The following NRDC variants were observed in gnomAD, a reference collection of about 807,000 sequenced individuals.
NRDC encodes nardilysin.
Under a neutral mutation model 147.1 loss-of-function variants are expected in NRDC, and 54 were observed. The observed-to-expected ratio is 0.37, with a 90% CI of 0.29 to 0.46. The LOEUF (loss-of-function observed/expected upper bound fraction) is 0.46. Ranked by LOEUF, NRDC falls within the 20% of genes least tolerant of loss-of-function variation. The pLI is 1.00. For missense variants in NRDC, 1,082 were observed against 1,370.6 expected (o/e 0.79, Z 3.33); for synonymous variants, 440 against 482.1 (o/e 0.91, Z 1.14).
At chr1:51,870,399 T>C (rs561272440) in intron 1 of NRDC, among the ~76,000 whole-genome samples, 1 of 152,356 alleles carries the variant, frequency 6.6e-6, no homozygotes, top group South Asian at 2.1e-4. Flanking sequence ...GCTTTATTCT[T>C]AAAATACTGC....
chr1:51,791,627 C>T lies in NRDC; in HGVS notation c.2911G>A (p.Gly971Arg), dbSNP rs1678660473. The change falls in exon 27 of 31, where the codon GGG becomes AGG. Residue 971 changes from glycine (G) to arginine (R), a missense_variant. Around this residue, in one of 3 missense-constraint regions of NRDC, gnomAD observed 635 missense variants for 923.8 expected, o/e 0.69. Transcript: ENST00000352171. ...HVYPTCRNTS[G>R]ILGFSVTVGT... ...ACAGTGACAGAAAATCCTAGAATCC[C>T]GGATGTGTTCCTACAGGTAGGGTAG... 7 of 1,613,764 alleles carry T rather than the reference C, an allele frequency of 4.3e-6. No individual in the cohort carries two copies. Among genetic ancestry groups the T allele is most frequent in the South Asian group, 1.1e-5 (1 of 91,078 alleles).
chr1:51,857,300 T>G (rs556430044), intron 1 of NRDC, among the ~76,000 whole-genome samples: 1 of 152,336 alleles, frequency 6.6e-6, no homozygotes, highest in Admixed American at 6.5e-5. Context: ...CTGTAACAAA[T>G]CTGGCTGTTT....
At position 51,809,397 on chromosome 1, in the gene NRDC, A is replaced by C; in HGVS notation, c.1908T>G (p.Ile636Met). Residue 636 changes from isoleucine (I) to methionine (M), a missense_variant, in exon 17 of 31, where the codon ATT becomes ATG. Physicochemically the swap from Ile to Met is conservative, Grantham distance 10. Around this residue, in one of 3 missense-constraint regions of NRDC, gnomAD observed 635 missense variants for 923.8 expected, o/e 0.69. Transcript: ENST00000352171. ...WFGTQYSIED[I>M]ENSWAELWNS... Reference sequence around the variant, plus strand: ...TCCACAGTTCAGCCCAAGAGTTTTCAATATCTGTAAAGGAGAAAAATAAAC... The same window carrying C: ...TCCACAGTTCAGCCCAAGAGTTTTCCATATCTGTAAAGGAGAAAAATAAAC... 1 of 1,604,950 alleles carries C rather than the reference A, an allele frequency of 6.2e-7. No individual in the cohort carries two copies. Among genetic ancestry groups the C allele is most frequent in the Non-Finnish European group, 8.5e-7 (1 of 1,171,648 alleles).
Position 51,790,645 on chromosome 1 carries a change from G to A in NRDC, c.3056C>T (p.Thr1019Ile), listed in dbSNP as rs969091830. The change falls in exon 29 of 31, where the codon ACA (threonine) becomes ATA (isoleucine). Residue 1019 changes from threonine to isoleucine, a missense_variant. By Grantham distance (89) the Thr-to-Ile change is moderately conservative. Coordinates refer to ENST00000352171, the MANE Select transcript of NRDC (RefSeq NM_001101662.2). ...ACACTCCTTCAGCTTGATGAGAGCT[G>A]TGACCTGTTCCCACCAAAAAGAAAG... ...LTEEAFNTQV[T>I]ALIKLKECED... 3 of 1,608,088 alleles carry A rather than the reference G, an allele frequency of 1.9e-6. No homozygotes were observed. The highest frequency in any genetic ancestry group is 2.6e-6 in the Non-Finnish European group (3 of 1,174,646).
chr1:51,840,996 A>T (rs1014919018), intron 1 of NRDC, among the ~76,000 whole-genome samples: 1 of 152,246 alleles, frequency 6.6e-6, no homozygotes, highest in African/African-American at 2.4e-5. Context: ...TCTTTTCTAT[A>T]AAATGTTTGA....
At chr1:51,847,178 C>CTAG (rs1681678857) in intron 1 of NRDC, among the ~76,000 whole-genome samples, 1 of 152,202 alleles carries the variant, frequency 6.6e-6, no homozygotes, top group Non-Finnish European at 1.5e-5. Flanking sequence ...AAACCCTGAG[C>CTAG]TAGACACAGG....
At chr1:51,871,759 C>T (rs1290748866) in intron 1 of NRDC, among the ~76,000 whole-genome samples, 1 of 152,100 alleles carries the variant, frequency 6.6e-6, no homozygotes, top group Non-Finnish European at 1.5e-5. Flanking sequence ...ATATTTAATG[C>T]ATTTCAGTTT....
At chr1:51,814,855 T>C in intron 11 of NRDC, 42 bp from the exon 12 acceptor site, 12 of 1,538,460 alleles carry the variant, frequency 7.8e-6, no homozygotes, top group Non-Finnish European at 1.0e-5. Context: ...TGTTCCTGGA[T>C]TGACAGTCTA....
At chr1:51,805,649 T>A (rs1007451660) in intron 18 of NRDC, 88 bp from the exon 19 acceptor site, 4 of 780,620 alleles carry the variant, frequency 5.1e-6, no homozygotes, top group Non-Finnish European at 8.1e-6. Flanking sequence ...ATATATTTTT[T>A]AAATTCTGAA....
chr1:51,830,428 A>G (rs1169364153), intron 4 of NRDC, among the ~76,000 whole-genome samples: 1 of 152,122 alleles, frequency 6.6e-6, no homozygotes, highest in East Asian at 1.9e-4. Context: ...ATTTTACTTG[A>G]AAAAATATTT....
chr1:51,868,414 G>C (rs921455781), intron 1 of NRDC, among the ~76,000 whole-genome samples: 9 of 149,172 alleles, frequency 6.0e-5, no homozygotes, highest in Admixed American at 4.1e-4. Flanking sequence ...GATGAAGATA[G>C]AACGTTAAGA....
intron 1 of NRDC, among the ~76,000 whole-genome samples, chr1:51,843,611 G>T (rs1228735118): frequency 6.6e-6 from 1 of 152,132 alleles, no homozygotes. Context: ...AATTATACAT[G>T]TTAACAAACT....
chr1:51,811,115 A>C (rs1571857006), intron 15 of NRDC, among the ~76,000 whole-genome samples: 1 of 152,216 alleles, frequency 6.6e-6, no homozygotes, highest in Non-Finnish European at 1.5e-5. Context: ...TCAGAAAAAA[A>C]CACAACCAGC....
chr1:51,874,231 A>C (rs1436947183), intron 1 of NRDC, among the ~76,000 whole-genome samples: 1 of 152,020 alleles, frequency 6.6e-6, no homozygotes, highest in African/African-American at 2.4e-5. Flanking sequence ...GAGCAGGTTA[A>C]ACATGGAAAG....
chr1:51,825,861 C>G (rs988439771), intron 5 of NRDC, among the ~76,000 whole-genome samples: 1 of 152,162 alleles, frequency 6.6e-6, no homozygotes, highest in African/African-American at 2.4e-5. Context: ...GTCCCCCCAC[C>G]CAAAATTTCT....
At chr1:51,850,357 AAAC>A in intron 1 of NRDC, among the ~76,000 whole-genome samples, 1 of 152,302 alleles carries the variant, frequency 6.6e-6, no homozygotes, top group Admixed American at 6.5e-5. Flanking sequence ...AATGATGCTC[AAAC>A]AATAGGCTAC....
At chr1:51,827,898 G>GAAA (rs765671575) in intron 4 of NRDC, 29 bp from the exon 5 acceptor site, 11 of 1,596,662 alleles carry the variant, frequency 6.9e-6, no homozygotes, top group Admixed American at 6.7e-5. Flanking sequence ...TGGCATTTCC[G>GAAA]TTTTTGTTCA....
At chr1:51,818,452 C>T in intron 9 of NRDC, among the ~76,000 whole-genome samples, 1 of 152,170 alleles carries the variant, frequency 6.6e-6, no homozygotes, top group East Asian at 1.9e-4. Flanking sequence ...GAAATTCAGT[C>T]CTACCACTAT....
chr1:51,830,701 G>A (rs951563318), intron 4 of NRDC, among the ~76,000 whole-genome samples: 2 of 152,158 alleles, frequency 1.3e-5, no homozygotes, highest in Non-Finnish European at 1.5e-5. Flanking sequence ...CCTAAGCTTT[G>A]ATATTTGTCA....
Sources: allele counts gnomAD v4.1 joint callset (sites outside exome capture counted in the v4.1 genomes callset), GRCh38; gene constraint gnomAD v4.1.1; regional missense constraint gnomAD v4.1.1; transcripts MANE v1.5; gene names NCBI Gene and HGNC (gene_info 2026-07-23, HGNC 2026-07-21).